Variants in CA10 observed in about 807,000 individuals in gnomAD.
The protein encoded by CA10 is carbonic anhydrase 10 (inactive), also known as carbonic anhydrase-related protein 10.
A neutral mutation model predicts 44.2 loss-of-function variants in CA10; 14 were observed. The observed-to-expected ratio is 0.32, with a 90% CI of 0.21 to 0.50. CA10 has a LOEUF of 0.50. Among genes scored for constraint, CA10 ranks in the 20% least tolerant of loss-of-function variants. CA10 has a pLI of 0.99. For missense variants in CA10, 350 were observed against 409.7 expected, an observed-to-expected ratio of 0.85 and a Z score of 1.26; for synonymous variants, 159 against 141.6, an observed-to-expected ratio of 1.12 and a Z score of -0.87.
intron 3 of CA10, among the ~76,000 whole-genome samples, chr17:51,814,234 C>T (rs1907482261): frequency 1.3e-5 from 2 of 152,032 alleles, no homozygotes; most frequent in African/African-American, 4.8e-5. Context: ...TAATAATGAC[C>T]TCTTAAACTT....
At chr17:52,052,305 A>ATT (rs1300919091) in intron 2 of CA10, among the ~76,000 whole-genome samples, 7 of 127,716 alleles carry the variant, frequency 5.5e-5, no homozygotes, top group African/African-American at 1.7e-4. Context: ...TTTTTAAAAA[A>ATT]AAAAAAAAAA....
At chr17:51,828,025 AT>A (rs1436953881) in intron 3 of CA10, among the ~76,000 whole-genome samples, 3 of 152,160 alleles carry the variant, frequency 2.0e-5, no homozygotes, top group Admixed American at 2.0e-4. Context: ...CCATCTCTGA[AT>A]ACATGAACTT....
At chr17:51,889,406 C>A (rs2143905944) in intron 3 of CA10, among the ~76,000 whole-genome samples, 1 of 152,232 alleles carries the variant, frequency 6.6e-6, no homozygotes, top group East Asian at 1.9e-4. Context: ...CACCCATAGT[C>A]CCAGCTAACC....
At chr17:51,859,889 A>G (rs1979226382) in intron 3 of CA10, among the ~76,000 whole-genome samples, 1 of 152,190 alleles carries the variant, frequency 6.6e-6, no homozygotes, top group South Asian at 2.1e-4. Context: ...GCCATGATAC[A>G]CATAAGAATA....
intron 3 of CA10, among the ~76,000 whole-genome samples, chr17:51,831,435 AG>A (rs1908236368): frequency 1.3e-5 from 2 of 152,202 alleles, no homozygotes; most frequent in Admixed American, 6.5e-5. Flanking sequence ...AGGTGATTTC[AG>A]GGTTGCTGTG....
At chr17:51,631,668 T>A (rs1912587105) in intron 8 of CA10, 62 bp from the exon 9 acceptor site, 1 of 1,392,386 alleles carries the variant, frequency 7.2e-7, no homozygotes, top group Non-Finnish European at 1.0e-6. Context: ...GCATACTCAA[T>A]TAATTTGCAC....
chr17:51,728,386 T>C (rs1916600811), intron 4 of CA10, among the ~76,000 whole-genome samples: 1 of 152,186 alleles, frequency 6.6e-6, no homozygotes, highest in Admixed American at 6.5e-5. Context: ...TACTGTCCTT[T>C]TTCTGTTGCA....
chr17:51,724,906 A>G (rs1916464318), intron 4 of CA10, among the ~76,000 whole-genome samples: 1 of 152,242 alleles, frequency 6.6e-6, no homozygotes, highest in African/African-American at 2.4e-5. Flanking sequence ...AGGGCATAGT[A>G]ATAGCTAATG....
At chr17:52,130,939 T>C (rs1487444363) in intron 1 of CA10, among the ~76,000 whole-genome samples, 1 of 152,178 alleles carries the variant, frequency 6.6e-6, no homozygotes. Flanking sequence ...AACTATGTAT[T>C]GTATACTCGA....
chr17:51,971,166 C>T (rs566750952), intron 2 of CA10, among the ~76,000 whole-genome samples: 1 of 152,178 alleles, frequency 6.6e-6, no homozygotes, highest in Admixed American at 6.6e-5. Flanking sequence ...TGGAAAGTCT[C>T]AAACCACTCC....
intron 2 of CA10, among the ~76,000 whole-genome samples, chr17:52,010,396 G>A (rs1660832500): frequency 6.6e-6 from 1 of 151,862 alleles, no homozygotes; most frequent in African/African-American, 2.4e-5. Flanking sequence ...TGCTGTGTGT[G>A]TGTATGTGTA....
rs569276221 is a variant in CA10, at chr17:52,101,938, G to A, written c.62-29545C>T. Among the ~76,000 whole-genome samples, 16 of 148,904 alleles carry A rather than the reference G, an allele frequency of 1.1e-4. 1 individual carries two copies. In the South Asian group the frequency reaches 3.4e-3, roughly 32 times the overall value. On this transcript the variant is annotated intron_variant, in intron 1 of 8. Transcript: ENST00000451037. ...TCCATTTTTTTTCTCTTTCTCTTCT[G>A]TTCACTTTTTCCTTGGTCTTCCATA...
intron 5 of CA10, among the ~76,000 whole-genome samples, chr17:51,651,386 G>C (rs757158012): frequency 2.0e-5 from 3 of 152,170 alleles, no homozygotes; most frequent in Non-Finnish European, 4.4e-5. Flanking sequence ...TGATTTTCTG[G>C]GAGTTGATTA....
chr17:51,798,674 A>G (rs1906809055), intron 3 of CA10, among the ~76,000 whole-genome samples: 1 of 152,222 alleles, frequency 6.6e-6, no homozygotes, highest in Admixed American at 6.5e-5. Flanking sequence ...TTGCATTGTC[A>G]CTAGTGGGAA....
intron 4 of CA10, among the ~76,000 whole-genome samples, chr17:51,733,085 A>G (rs1327111537): frequency 2.6e-5 from 4 of 152,162 alleles, no homozygotes; most frequent in Non-Finnish European, 5.9e-5. Flanking sequence ...CCCCCAAAGC[A>G]CTTTACCTAA....
chr17:51,953,449 A>AT lies in CA10; in HGVS notation c.137-22318dup, dbSNP rs1187727723. 3.0e-4 allele frequency among the ~76,000 whole-genome samples: 42 copies of AT among 141,218 alleles called. No individual in the cohort carries two copies. The East Asian group carries it at 7.3e-3, about 24-fold the overall frequency. 92.6% of individuals were successfully genotyped at this position (141,218 alleles called of 152,430 possible). A position where few individuals can be genotyped will look rare whatever the true frequency, so the allele number is the denominator to read the frequency against. ...TATCTGATAGGAATAGTCCCTGGAT[A>AT]TTTTTGTTTTTTTTTTTTAATTTGA... On this transcript the variant is annotated intron_variant, in intron 2 of 8. Transcript: ENST00000451037.
intron 1 of CA10, among the ~76,000 whole-genome samples, chr17:52,118,070 G>A (rs879911065): frequency 2.0e-5 from 3 of 152,160 alleles, no homozygotes; most frequent in Non-Finnish European, 2.9e-5. Flanking sequence ...AATTTGTAGA[G>A]GGTTATAAAA....
chr17:51,683,884 ACT>A (rs914964854), intron 4 of CA10, among the ~76,000 whole-genome samples: 4 of 152,086 alleles, frequency 2.6e-5, no homozygotes. Flanking sequence ...TGCCTAGATC[ACT>A]CTCTAGTGAC....
At chr17:52,113,728 A>T (rs1988834206) in intron 1 of CA10, among the ~76,000 whole-genome samples, 1 of 152,262 alleles carries the variant, frequency 6.6e-6, no homozygotes, top group Non-Finnish European at 1.5e-5. Flanking sequence ...TTACTGAAGG[A>T]AGATAAAAAC....
Sources: gnomAD v4.1 joint callset for allele counts (sites outside exome capture counted in the v4.1 genomes callset) on GRCh38, gnomAD v4.1.1 for gene constraint, MANE v1.5 for transcripts, NCBI Gene and HGNC (gene_info 2026-07-23, HGNC 2026-07-21) for gene names.